The following CLEC12A variants were observed in gnomAD, a reference collection of about 807,000 sequenced individuals.
The protein encoded by CLEC12A is C-type lectin protein CLL-1.
A neutral mutation model predicts 26.5 loss-of-function variants in CLEC12A; 22 were observed. That is an observed-to-expected ratio of 0.83 (90% confidence interval 0.59 to 1.19). CLEC12A has a LOEUF of 1.19. Among genes scored for constraint, CLEC12A ranks in the 50% most tolerant of loss-of-function variants. The pLI, the probability that CLEC12A is intolerant of heterozygous loss-of-function variation, is 0.00. For missense variants in CLEC12A, 353 were observed against 315.6 expected, an observed-to-expected ratio of 1.12 and a Z score of -0.90; for synonymous variants, 119 against 101.9, an observed-to-expected ratio of 1.17 and a Z score of -1.01.
At chr12:9,999,419 CCTTT>C, downstream of CLEC12A, 1 of 201,094 alleles carries the variant, frequency 5.0e-6, no homozygotes. Flanking sequence ...TCATGTGCAT[CCTTT>C]CTAAGAACAA....
chr12:9,992,962 G>A (rs1413098283), intron 4 of CLEC12A: 8 of 532,006 alleles, frequency 1.5e-5, no homozygotes, highest in South Asian at 7.3e-5. Flanking sequence ...ATAAACTCAC[G>A]TGATGGCTTC....
rs1469744571 is a variant in CLEC12A at position 9,979,406 on chromosome 12, A to T, written c.261A>T (p.Arg87Ser). The T allele has an allele frequency of 4.3e-6, 7 of 1,611,688 alleles. No individual in the cohort carries two copies. In the Admixed American group the frequency reaches 1.2e-4, roughly 27 times the overall value. ...AAAACATCAGTGAAGAGCTCCAGAG[A>T]AATATTTCTCTACAACTGATGAGTA... The part of the protein sequence containing the change: ...KLQNISEELQ[R>S]NISLQLMSNM... Residue 87 changes from arginine to serine, a missense_variant, in exon 3 of 6, where the codon AGA (arginine) becomes AGT (serine). Physicochemically the swap from Arg to Ser is moderately radical, Grantham distance 110. Transcript: ENST00000304361.
At chr12:9,967,730 CG>C (rs1203611951), upstream of CLEC12A, among the ~76,000 whole-genome samples, 1 of 151,162 alleles carries the variant, frequency 6.6e-6, no homozygotes, top group Non-Finnish European at 1.5e-5. Flanking sequence ...TGGAGAAAAG[CG>C]GTGGGGTTCT....
intron 4 of CLEC12A, among the ~76,000 whole-genome samples, chr12:9,994,181 G>C (rs566505): frequency 0.55 from 82,927 of 151,820 alleles, 23,009 homozygotes; most frequent in South Asian, 0.72. Context: ...TCATGGAGTT[G>C]TGGAGGCAGA....
the CLEC12A span, among the ~76,000 whole-genome samples, chr12:10,004,061 G>A: frequency 6.6e-6 from 1 of 152,228 alleles, no homozygotes; most frequent in African/African-American, 2.4e-5. Context: ...CTGTCTGTTT[G>A]ACTGTCATGA....
chr12:9,976,294 G>A (rs1409826019), intron 1 of CLEC12A, among the ~76,000 whole-genome samples: 1 of 152,194 alleles, frequency 6.6e-6, no homozygotes, highest in African/African-American at 2.4e-5. Context: ...GCCCATGAAA[G>A]CAGCCATGAG....
downstream of CLEC12A, among the ~76,000 whole-genome samples, chr12:9,998,875 C>T (rs1357368111): frequency 6.6e-6 from 1 of 152,034 alleles, no homozygotes; most frequent in Non-Finnish European, 1.5e-5. Flanking sequence ...CTAAATAGGT[C>T]TGTATGAGCT....
At chr12:9,965,656 A>C (rs889400921) in intron 1 of CLEC12A, among the ~76,000 whole-genome samples, 5 of 152,066 alleles carry the variant, frequency 3.3e-5, no homozygotes, top group South Asian at 2.1e-4. Flanking sequence ...AATTTGGTTG[A>C]TAAGGCACAG....
intron 1 of CLEC12A, among the ~76,000 whole-genome samples, chr12:9,954,950 A>G (rs1166128296): frequency 2.6e-5 from 4 of 152,254 alleles, no homozygotes; most frequent in Admixed American, 1.3e-4. Context: ...CAAAGAGATT[A>G]TAAGACTATA....
chr12:10,002,438 A>ATTTTTTTTTTTTTTTT, the CLEC12A span, among the ~76,000 whole-genome samples: 1 of 127,508 alleles, frequency 7.8e-6, no homozygotes, highest in Non-Finnish European at 1.7e-5. Flanking sequence ...AAGTTGGGTA[A>ATTTTTTTTTTTTTTTT]TGTTTTTTTT....
chr12:9,997,392 T>G (rs1865080742), downstream of CLEC12A: 2 of 869,234 alleles, frequency 2.3e-6, no homozygotes, highest in Non-Finnish European at 3.5e-6. Context: ...AGGAGTTTAC[T>G]AGATACACAT....
At chr12:9,983,656 C>A in intron 5 of CLEC12A, 2 of 576,812 alleles carry the variant, frequency 3.5e-6, no homozygotes, top group Non-Finnish European at 3.1e-6. Flanking sequence ...TGTTGAGGTG[C>A]CACCACAGCG....
At chr12:9,989,308 A>G (rs1313437324), downstream of CLEC12A, among the ~76,000 whole-genome samples, 1 of 152,108 alleles carries the variant, frequency 6.6e-6, no homozygotes, top group Admixed American at 6.5e-5. Flanking sequence ...GCACATGTAT[A>G]AATATGTAAC....
At chr12:9,954,503 TAATC>T (rs1565545102) in intron 1 of CLEC12A, among the ~76,000 whole-genome samples, 1 of 150,872 alleles carries the variant, frequency 6.6e-6, no homozygotes, top group Non-Finnish European at 1.5e-5. Context: ...AAAAAAAAAA[TAATC>T]AAACTATCAT....
the CLEC12A span, among the ~76,000 whole-genome samples, chr12:10,004,959 C>G: frequency 6.6e-6 from 1 of 151,240 alleles, no homozygotes; most frequent in Non-Finnish European, 1.5e-5. Flanking sequence ...TAGGAACAAC[C>G]CTCTTCTACC....
chr12:9,954,621 G>T (rs1863713458), intron 1 of CLEC12A, among the ~76,000 whole-genome samples: 1 of 152,232 alleles, frequency 6.6e-6, no homozygotes, highest in Non-Finnish European at 1.5e-5. Context: ...CAGTGAGTTT[G>T]CATTGCTATC....
chr12:9,953,145 C>CA, intron 1 of CLEC12A: 1 of 130,134 alleles, frequency 7.7e-6, no homozygotes, highest in East Asian at 2.9e-4. Flanking sequence ...GGGGGTCAGC[C>CA]CCCCGCCTGG....
downstream of CLEC12A, among the ~76,000 whole-genome samples, chr12:9,988,789 A>G (rs1254063029): frequency 3.3e-5 from 5 of 152,196 alleles, no homozygotes; most frequent in Admixed American, 6.5e-5. Flanking sequence ...TTCAACCATT[A>G]TGGAAGTCAG....
intron 1 of CLEC12A, chr12:9,953,437 C>T (rs1863677159): frequency 8.5e-6 from 1 of 117,782 alleles, no homozygotes; most frequent in Non-Finnish European, 1.9e-5. Flanking sequence ...TGGCCAGCCG[C>T]CCCGTCCGGG....
Sources: allele counts gnomAD v4.1 joint callset (sites outside exome capture counted in the v4.1 genomes callset), GRCh38; gene constraint gnomAD v4.1.1; transcripts MANE v1.5; gene names NCBI Gene and HGNC (gene_info 2026-07-23, HGNC 2026-07-21).